The following PALM2AKAP2 variants were observed in gnomAD, a reference collection of about 807,000 sequenced individuals.
PALM2AKAP2 encodes PALM2-AKAP2 fusion protein.
Under a neutral mutation model 71.5 loss-of-function variants are expected in PALM2AKAP2, and 37 were observed. That is an observed-to-expected ratio of 0.52 (90% CI 0.40 to 0.68). The LOEUF (loss-of-function observed/expected upper bound fraction) is 0.68, where lower values mean the gene tolerates loss of function less well. Ranked by LOEUF, PALM2AKAP2 falls within the 30% of genes least tolerant of loss-of-function variation. The probability of loss-of-function intolerance (pLI) is 0.00; values close to 1 mark genes in which losing one functional copy is unlikely to be tolerated. For synonymous variants in PALM2AKAP2, 468 were observed against 478.8 expected (o/e 0.98, Z 0.29); for missense variants, 1,224 against 1,191.8 (o/e 1.03, Z -0.40).
intron 1 of PALM2AKAP2, among the ~76,000 whole-genome samples, chr9:110,120,377 G>A (rs1835455776): frequency 6.6e-6 from 1 of 152,164 alleles, no homozygotes; most frequent in African/African-American, 2.4e-5. Flanking sequence ...CATGTCAGGG[G>A]ATGGGGACAT....
intron 1 of PALM2AKAP2, among the ~76,000 whole-genome samples, chr9:109,742,259 A>T (rs1828727062): frequency 1.9e-4 from 2 of 10,448 alleles, no homozygotes; most frequent in African/African-American, 2.6e-3. Flanking sequence ...ATTCACACAC[A>T]CACACACACA....
At chr9:109,848,944 G>T (rs1224372126) in intron 1 of PALM2AKAP2, among the ~76,000 whole-genome samples, 7 of 151,856 alleles carry the variant, frequency 4.6e-5, no homozygotes, top group Admixed American at 4.6e-4. Flanking sequence ...TTGAGTAGTT[G>T]TAACGGAGAC....
In PALM2AKAP2 at chr9:110,145,891, CTTTTTT is replaced by C. The variant is rs61137720; in HGVS notation, c.2569+7372_2569+7377del. 1.4e-4 allele frequency among the ~76,000 whole-genome samples: 9 copies of C among 64,496 alleles called. No individual in the cohort carries two copies. In the South Asian group the frequency reaches 5.7e-3, roughly 41 times the overall value. The allele number at this position is 64,496 out of a possible 152,430, so 42.3% of individuals were successfully genotyped here. On this transcript the variant is annotated intron_variant, in intron 2 of 3. Transcript: ENST00000374525. ...AAACCTGCCTGTCAGCCTCACTCTT[CTTTTTT>C]TTTTTTTTTTTTTTTTTTTGAGATG...
At chr9:110,144,062 T>C (rs1836102071) in intron 2 of PALM2AKAP2, among the ~76,000 whole-genome samples, 1 of 152,234 alleles carries the variant, frequency 6.6e-6, no homozygotes, top group Admixed American at 6.5e-5. Context: ...AGGAAAAATA[T>C]GTTTGCGACT....
At chr9:109,670,522 A>G (rs921831919) in intron 1 of PALM2AKAP2, among the ~76,000 whole-genome samples, 2 of 152,038 alleles carry the variant, frequency 1.3e-5, no homozygotes, top group Non-Finnish European at 1.5e-5. Flanking sequence ...TCTACCATTG[A>G]TGGATATTTA....
At chr9:110,040,999 G>A (rs563324089) in intron 7 of PALM2AKAP2, among the ~76,000 whole-genome samples, 6 of 152,300 alleles carry the variant, frequency 3.9e-5, no homozygotes, top group Admixed American at 2.0e-4. Context: ...AAATGCTTCA[G>A]TTGCTAAATG....
chr9:109,724,151 TA>T (rs1175623762), intron 1 of PALM2AKAP2, among the ~76,000 whole-genome samples: 2 of 152,024 alleles, frequency 1.3e-5, no homozygotes, highest in Non-Finnish European at 2.9e-5. Context: ...TAAATAGCAA[TA>T]AAAATTTAAA....
chr9:110,040,959 A>G (rs1833502821), intron 7 of PALM2AKAP2, among the ~76,000 whole-genome samples: 1 of 152,226 alleles, frequency 6.6e-6, no homozygotes, highest in Non-Finnish European at 1.5e-5. Flanking sequence ...CTATTACAGC[A>G]TGAACTCTGG....
intron 3 of PALM2AKAP2, among the ~76,000 whole-genome samples, chr9:109,905,887 G>T (rs1008465905): frequency 6.6e-6 from 1 of 152,190 alleles, no homozygotes; most frequent in Non-Finnish European, 1.5e-5. Flanking sequence ...CATTTTGGGA[G>T]GCTGAGGTGG....
chr9:110,017,375 T>C (rs1833000770), intron 7 of PALM2AKAP2, among the ~76,000 whole-genome samples: 1 of 152,264 alleles, frequency 6.6e-6, no homozygotes, highest in South Asian at 2.1e-4. Context: ...TCAACTAATC[T>C]AAGTGGTAAC....
intron 6 of PALM2AKAP2, among the ~76,000 whole-genome samples, chr9:109,961,493 G>A (rs1054049213): frequency 6.9e-6 from 1 of 145,822 alleles, no homozygotes; most frequent in Admixed American, 6.9e-5. Context: ...AGCATGAATT[G>A]TTATTGAGTG....
intron 5 of PALM2AKAP2, among the ~76,000 whole-genome samples, chr9:109,926,556 C>G (rs1285769037): frequency 6.6e-6 from 1 of 152,112 alleles, no homozygotes. Flanking sequence ...TGGCAGGCTT[C>G]CCTGAGTCTG....
chr9:109,996,867 AGTGCATGTGTGT>A (rs1414448323), intron 6 of PALM2AKAP2, among the ~76,000 whole-genome samples: 2 of 152,180 alleles, frequency 1.3e-5, no homozygotes, highest in Non-Finnish European at 2.9e-5. Flanking sequence ...AATGTCTAAG[AGTGCATGTGTGT>A]GTGCATGTGT....
chr9:109,934,019 A>G (rs1831168182), intron 6 of PALM2AKAP2, among the ~76,000 whole-genome samples: 1 of 152,230 alleles, frequency 6.6e-6, no homozygotes, highest in Non-Finnish European at 1.5e-5. Context: ...ACATTTTGAC[A>G]AATGTCACTT....
chr9:110,157,399 G>A (rs1201429604), intron 3 of PALM2AKAP2, among the ~76,000 whole-genome samples: 1 of 151,734 alleles, frequency 6.6e-6, no homozygotes, highest in Non-Finnish European at 1.5e-5. Context: ...TTTTGTTGTT[G>A]TTGTTGTTGT....
intron 1 of PALM2AKAP2, among the ~76,000 whole-genome samples, chr9:109,729,598 C>T (rs10816859): frequency 6.6e-6 from 1 of 151,894 alleles, no homozygotes; most frequent in African/African-American, 2.4e-5. Flanking sequence ...CCCAACAGCC[C>T]CTTGGTAGAG....
At chr9:110,029,032 G>GA (rs1235616917) in intron 7 of PALM2AKAP2, among the ~76,000 whole-genome samples, 1 of 151,800 alleles carries the variant, frequency 6.6e-6, no homozygotes, top group Non-Finnish European at 1.5e-5. Flanking sequence ...ATATTTTAAG[G>GA]ACTTGTAATA....
chr9:109,927,343 G>A (rs190610254), intron 5 of PALM2AKAP2, among the ~76,000 whole-genome samples: 4 of 152,248 alleles, frequency 2.6e-5, no homozygotes, highest in East Asian at 3.9e-4. Context: ...CAAAGGCCCC[G>A]AGTTGCCAAG....
chr9:109,836,167 C>G (rs1354211449), intron 1 of PALM2AKAP2, among the ~76,000 whole-genome samples: 1 of 152,156 alleles, frequency 6.6e-6, no homozygotes, highest in Non-Finnish European at 1.5e-5. Context: ...GCCGGATACC[C>G]CTCTGAGATG....
Sources: allele counts gnomAD v4.1 joint callset (sites outside exome capture counted in the v4.1 genomes callset), GRCh38; gene constraint gnomAD v4.1.1; transcripts MANE v1.5; gene names NCBI Gene and HGNC (gene_info 2026-07-23, HGNC 2026-07-21).